The following CEP70 variants were observed in gnomAD, a reference collection of about 807,000 sequenced individuals.
CEP70 encodes the protein centrosomal protein 70.
A neutral mutation model predicts 90.9 loss-of-function variants in CEP70; 70 were observed. That is an observed-to-expected ratio of 0.77 (90% CI 0.64 to 0.94). The LOEUF (loss-of-function observed/expected upper bound fraction) is 0.94, where lower values mean the gene tolerates loss of function less well. Ranked by LOEUF, CEP70 falls within the 40% of genes least tolerant of loss-of-function variation. The pLI is 0.00. For missense variants in CEP70, 648 were observed against 669.0 expected (o/e 0.97, Z 0.35); for synonymous variants, 220 against 228.3 (o/e 0.96, Z 0.33).
chr3:138,592,116 T>G (rs1237344651), intron 1 of CEP70, among the ~76,000 whole-genome samples, 160 bp from the exon 2 acceptor site: 2 of 152,188 alleles, frequency 1.3e-5, no homozygotes, highest in Non-Finnish European at 2.9e-5. Context: ...CAGCTCACCA[T>G]CATATGCCTC....
chr3:138,546,036 T>C (rs1226885033), intron 6 of CEP70, among the ~76,000 whole-genome samples: 1 of 152,196 alleles, frequency 6.6e-6, no homozygotes, highest in Non-Finnish European at 1.5e-5. Context: ...TTAAAGCATG[T>C]GATCTTCGTG....
chr3:138,521,610 G>A (rs570025448), intron 11 of CEP70, among the ~76,000 whole-genome samples: 20 of 148,074 alleles, frequency 1.4e-4, no homozygotes, highest in East Asian at 4.1e-4. Context: ...CTACCTGGCC[G>A]CCACCCCATC....
intron 8 of CEP70, among the ~76,000 whole-genome samples, chr3:138,530,163 A>G (rs2037680056): frequency 6.6e-6 from 1 of 152,204 alleles, no homozygotes. Context: ...ATGGTAACCA[A>G]TAGCTACATG....
intron 6 of CEP70, among the ~76,000 whole-genome samples, chr3:138,547,353 A>G (rs185518522): frequency 6.6e-6 from 1 of 152,380 alleles, no homozygotes; most frequent in East Asian, 1.9e-4. Flanking sequence ...CAATTGGAAC[A>G]TACGAGTTTC....
At position 138,537,203 on chromosome 3, in the gene CEP70, CT is replaced by C; in HGVS notation, c.609del (p.Val204PhefsTer13). On this transcript the variant is annotated frameshift_variant, in exon 7 of 18. Coordinates refer to ENST00000264982, the MANE Select transcript of CEP70 (RefSeq NM_024491.4). LOFTEE classifies it high-confidence loss of function. ...QNRVFAYLCK[R>X]VPHTVLDRQL... ...TGTCTATCCAAGACGGTATGAGGAA[CT>C]CTTTTGCACAGATAGGCAAACACTC... The C allele has an allele frequency of 6.4e-7, 1 of 1,571,042 alleles. No individual in the cohort carries two copies. Among genetic ancestry groups the C allele is most frequent in the Non-Finnish European group, 8.6e-7 (1 of 1,163,252 alleles).
chr3:138,494,994 T>C lies in CEP70; in HGVS notation c.*21A>G, dbSNP rs1281070180. On this transcript the variant is annotated 3_prime_UTR_variant, in exon 18 of 18. Transcript: ENST00000264982. ...AATGTTAAGAATACAATTTACACAG[T>C]AAAAATGATTTGATTTGTTTTCAGT... is the stretch of plus-strand genomic sequence containing the variant. 4 of 1,277,758 alleles carry C rather than the reference T, an allele frequency of 3.1e-6. No homozygotes were observed. The African/African-American group carries it at 6.5e-5, about 21-fold the overall frequency. 79.2% of individuals were successfully genotyped at this position (1,277,758 alleles called of 1,614,324 possible).
chr3:138,565,975 C>T (rs1409726094), intron 6 of CEP70, among the ~76,000 whole-genome samples: 1 of 151,610 alleles, frequency 6.6e-6, no homozygotes, highest in African/African-American at 2.4e-5. Context: ...CACAAATTTA[C>T]AAGAAAAAAA....
chr3:138,579,312 G>C (rs781335447), intron 2 of CEP70, among the ~76,000 whole-genome samples: 1 of 152,110 alleles, frequency 6.6e-6, no homozygotes, highest in African/African-American at 2.4e-5. Context: ...TCCAAGGCAA[G>C]TCCTAGTGCT....
intron 6 of CEP70, among the ~76,000 whole-genome samples, chr3:138,569,399 T>A (rs1300053049): frequency 6.6e-6 from 1 of 152,214 alleles, no homozygotes; most frequent in East Asian, 1.9e-4. Context: ...GACATAATGT[T>A]AGTAAAGATC....
At chr3:138,571,482 T>A in intron 3 of CEP70, 126 bp from the exon 4 acceptor site, 1 of 660,808 alleles carries the variant, frequency 1.5e-6, no homozygotes, top group Non-Finnish European at 2.6e-6. Context: ...TAAATGTTTA[T>A]GCATATATAA....
intron 2 of CEP70, 58 bp from the exon 3 acceptor site, chr3:138,572,990 TGAAAA>T: frequency 1.7e-6 from 2 of 1,205,252 alleles, no homozygotes. Context: ...GTTGCCTAAA[TGAAAA>T]AAGACAAAAA....
At chr3:138,535,546 A>G (rs1027605532) in intron 7 of CEP70, among the ~76,000 whole-genome samples, 2 of 152,192 alleles carry the variant, frequency 1.3e-5, no homozygotes, top group Admixed American at 6.5e-5. Flanking sequence ...TTTTAATAAT[A>G]TCTGTAGTGG....
Position 138,591,911 on chromosome 3 carries a change from T to C in CEP70, c.-63A>G. On this transcript the variant is annotated 5_prime_UTR_variant, in exon 2 of 18. Transcript: ENST00000264982. ...ACCTGGTCATTCAGGTTGATCTCAA[T>C]GAAATGATCACCCAACGAGTCTCAT... is the stretch of plus-strand genomic sequence containing the variant. 7 of 1,429,384 alleles carry C rather than the reference T, an allele frequency of 4.9e-6. No individual in the cohort carries two copies. The highest frequency in any genetic ancestry group is 6.5e-6 in the Non-Finnish European group (7 of 1,073,468). 88.5% of individuals were successfully genotyped at this position (1,429,384 alleles called of 1,614,324 possible).
In CEP70 at chr3:138,577,226, A is replaced by G. The variant is rs906769906; in HGVS notation, c.-5-4294T>C. On this transcript the variant is annotated intron_variant, in intron 2 of 17. Transcript: ENST00000264982. ...GGGGGGATGGGGGAGGGATAGCATT[A>G]GGAGAAGTACCTAATGTAAACGACG... 6.6e-5 allele frequency among the ~76,000 whole-genome samples: 10 copies of G among 151,916 alleles called. No individual in the cohort carries two copies. In the East Asian group the frequency reaches 1.7e-3, roughly 26 times the overall value.
chr3:138,534,448 A>G (rs1469924986), intron 7 of CEP70, among the ~76,000 whole-genome samples: 1 of 152,182 alleles, frequency 6.6e-6, no homozygotes, highest in East Asian at 1.9e-4. Flanking sequence ...TCTATTTCTA[A>G]TATTTTCCTT....
chr3:138,530,501 G>T, intron 8 of CEP70: 1 of 708,148 alleles, frequency 1.4e-6, no homozygotes, highest in Non-Finnish European at 1.7e-6. Context: ...ATAGTCTGAT[G>T]ATAAAAACAA....
chr3:138,593,443 G>A (rs2042488298), intron 1 of CEP70, among the ~76,000 whole-genome samples: 1 of 152,118 alleles, frequency 6.6e-6, no homozygotes, highest in African/African-American at 2.4e-5. Flanking sequence ...GGGTGGTCTC[G>A]AACTCCTGAC....
At chr3:138,516,469 T>A (rs1353586523) in intron 11 of CEP70, among the ~76,000 whole-genome samples, 3 of 152,120 alleles carry the variant, frequency 2.0e-5, no homozygotes, top group Non-Finnish European at 4.4e-5. Flanking sequence ...CACTGCAGCC[T>A]TGACCTCCTG....
intron 11 of CEP70, among the ~76,000 whole-genome samples, chr3:138,513,965 C>A (rs13320256): frequency 0.13 from 19,495 of 146,280 alleles, 1,705 homozygotes; most frequent in Non-Finnish European, 0.2. Context: ...AAAAAAAAAA[C>A]AAACAAACTC....
Sources: gnomAD v4.1 joint callset for allele counts (sites outside exome capture counted in the v4.1 genomes callset) on GRCh38, gnomAD v4.1.1 for gene constraint, MANE v1.5 for transcripts, NCBI Gene and HGNC (gene_info 2026-07-23, HGNC 2026-07-21) for gene names.